MXD4: variants seen among roughly 807,000 people sequenced by gnomAD.
MXD4 encodes the protein Mad4 homolog.
In MXD4, 16 loss-of-function variants were observed where a neutral mutation model predicts 24.5. The observed-to-expected ratio is 0.65, with a 90% CI of 0.44 to 0.99. MXD4 has a LOEUF of 0.99. MXD4 is among the 50% of genes least tolerant of loss of function. The pLI, the probability that MXD4 is intolerant of heterozygous loss-of-function variation, is 0.00. For missense variants in MXD4, 301 were observed against 301.5 expected, an observed-to-expected ratio of 1.00 and a Z score of 0.01; for synonymous variants, 164 against 134.2, an observed-to-expected ratio of 1.22 and a Z score of -1.54.
Position 2,257,922 on chromosome 4 carries a change from C to T in MXD4, c.194+60G>A, listed in dbSNP as rs866238576. ...AGGGGCAGGCTCAACGCACCACACA[C>T]CCTCAGTAAAAGGGTGGGCCAGGTG... On this transcript the variant is annotated intron_variant, in intron 3 of 5. Transcript: ENST00000337190. 87 of 1,607,056 alleles carry T rather than the reference C, an allele frequency of 5.4e-5. No individual in the cohort carries two copies. In the Middle Eastern group the frequency reaches 6.6e-4, roughly 12 times the overall value.
rs1041607958 is a variant in MXD4, at chr4:2,261,391, T to C, written c.164+334A>G. 1.6e-3 allele frequency among the ~76,000 whole-genome samples: 237 copies of C among 152,252 alleles called. 1 individual carries two copies. Among genetic ancestry groups the C allele is most frequent in the African/African-American group, 5.5e-3 (228 of 41,546 alleles). On this transcript the variant is annotated intron_variant, in intron 2 of 5. Coordinates refer to ENST00000337190, the MANE Select transcript of MXD4 (RefSeq NM_006454.3). ...CCACGGGGCACCGGCCAGCGCCCGC[T>C]GACAACTTTTCTACCGCCTGGAAAA...
chr4:2,252,272 C>G, intron 4 of MXD4, 136 bp downstream of exon 4: 2 of 700,964 alleles, frequency 2.9e-6, no homozygotes, highest in South Asian at 3.4e-5. Context: ...GACACACACC[C>G]GCCAGATGGC....
chr4:2,251,001 C>A (rs1560112448), intron 5 of MXD4, 83 bp downstream of exon 5: 1 of 1,431,594 alleles, frequency 7.0e-7, no homozygotes, highest in African/African-American at 1.4e-5. Context: ...GCCCCAGCAC[C>A]AGGCACCTCC....
rs983771254 is a variant in MXD4, at chr4:2,255,441, C to T, written c.194+2541G>A. ...GGTCCACCTGGCCCAAGAGTGTGGG[C>T]GCCAGGGCTGGAGGCCACAGAAATT... On this transcript the variant is annotated intron_variant, in intron 3 of 5. Transcript: ENST00000337190. The T allele has an allele frequency of 2.0e-5, 9 of 454,880 alleles. No individual in the cohort carries two copies. The Middle Eastern group carries it at 1.0e-3, about 52-fold the overall frequency. The allele number at this position is 454,880 out of a possible 1,614,324, so 28.2% of individuals were successfully genotyped here. A position where few individuals can be genotyped will look rare whatever the true frequency, so the allele number is the denominator to read the frequency against.
chr4:2,261,463 G>C (rs1392958394), intron 2 of MXD4, among the ~76,000 whole-genome samples: 2 of 150,970 alleles, frequency 1.3e-5, no homozygotes, highest in Non-Finnish European at 3.0e-5. Context: ...AGCGGACCCC[G>C]GCGGCGGGCG....
chr4:2,260,538 C>T (rs1370236678), intron 2 of MXD4: 11 of 455,620 alleles, frequency 2.4e-5, no homozygotes, highest in Non-Finnish European at 4.4e-5. Context: ...TGGAGAGAAG[C>T]GGCAGCGGGG....
At position 2,257,974 on chromosome 4, in the gene MXD4, T is replaced by C. The variant is rs1334662140; in HGVS notation, c.194+8A>G. 6.2e-7 allele frequency: 1 copy of C among 1,613,038 alleles called. No individual in the cohort carries two copies. Among genetic ancestry groups the C allele is most frequent in the East Asian group, 2.2e-5 (1 of 44,874 alleles). ...CGGGCTCATGTGGGGAACTGGGGGGTCACTTACCTGTGCTTTTCTAGCTCG... is the reference window on the plus strand; with the variant it reads ...CGGGCTCATGTGGGGAACTGGGGGGCCACTTACCTGTGCTTTTCTAGCTCG... On this transcript the variant is annotated splice_region_variant and intron_variant, in intron 3 of 5. Transcript: ENST00000337190.
chr4:2,258,082 C>T, intron 2 of MXD4, 71 bp from the exon 3 acceptor site: 1 of 1,587,900 alleles, frequency 6.3e-7, no homozygotes. Flanking sequence ...GCAGTGCTCT[C>T]CTAGGGGGCC....
At chr4:2,257,843 A>C (rs1577822774) in intron 3 of MXD4, 139 bp downstream of exon 3, 1 of 1,138,390 alleles carries the variant, frequency 8.8e-7, no homozygotes, top group Non-Finnish European at 1.3e-6. Context: ...TCCAAGTCTG[A>C]CCATTCCCAA....
Position 2,255,158 on chromosome 4 carries a change from C to T in MXD4, c.195-2636G>A, listed in dbSNP as rs372449813. ...GACGCAGGCGGACAGGACTTACGTA[C>T]GTGGTGTCGGGTGAAAGATCAAGTG... On this transcript the variant is annotated intron_variant, in intron 3 of 5. Transcript: ENST00000337190. 1.7e-4 allele frequency: 67 copies of T among 387,786 alleles called. 1 individual carries two copies. The highest frequency in any genetic ancestry group is 1.2e-3 in the African/African-American group (59 of 48,030). The allele number at this position is 387,786 out of a possible 1,614,324, so 24.0% of individuals were successfully genotyped here. A position where few individuals can be genotyped will look rare whatever the true frequency, so the allele number is the denominator to read the frequency against.
At position 2,261,925 on chromosome 4, in the gene MXD4, C is replaced by T. The variant is rs753407649; in HGVS notation, c.56G>A (p.Arg19Lys). 6.1e-5 allele frequency: 89 copies of T among 1,464,454 alleles called. No homozygotes were observed. Among genetic ancestry groups the T allele is most frequent in the East Asian group, 3.0e-5 (1 of 33,864 alleles). 90.7% of individuals were successfully genotyped at this position (1,464,454 alleles called of 1,614,324 possible). A position where few individuals can be genotyped will look rare whatever the true frequency, so the allele number is the denominator to read the frequency against. Residue 19 changes from arginine to lysine, a missense_variant, in exon 1 of 6, where the codon AGG becomes AAG. Coordinates refer to ENST00000337190, the MANE Select transcript of MXD4 (RefSeq NM_006454.3). ...LLEAAEYLER[R>K]DREAEHGYAS... ...TGGGGTGCGAGCGCTACCTCGATCC[C>T]TGCGCTCCAGGTACTCGGCCGCCTC...
intron 2 of MXD4, among the ~76,000 whole-genome samples, chr4:2,258,540 G>C (rs1233087317): frequency 6.6e-6 from 1 of 152,182 alleles, no homozygotes; most frequent in East Asian, 1.9e-4. Context: ...TGTGTCCTTG[G>C]AGCCAAAGCA....
At chr4:2,259,382 G>T (rs932047994) in intron 2 of MXD4, among the ~76,000 whole-genome samples, 4 of 152,058 alleles carry the variant, frequency 2.6e-5, no homozygotes, top group African/African-American at 9.7e-5. Context: ...AGCCAGGGCC[G>T]ACCAGGGCCA....
At position 2,261,841 on chromosome 4, in the gene MXD4, C is replaced by T. The variant is rs1422739876; in HGVS notation, c.65-17G>A. ...GCTCGGCCTCTGCGGACACACGGCGCGGTCAGCGGCCCCCGCCCGGCACGG... is the reference window on the plus strand; with the variant it reads ...GCTCGGCCTCTGCGGACACACGGCGTGGTCAGCGGCCCCCGCCCGGCACGG... On this transcript the variant is annotated splice_polypyrimidine_tract_variant and intron_variant, in intron 1 of 5. Transcript: ENST00000337190. 3 of 1,354,140 alleles carry T rather than the reference C, an allele frequency of 2.2e-6. No homozygotes were observed. The highest frequency in any genetic ancestry group is 1.9e-6 in the Non-Finnish European group (2 of 1,052,714). 83.9% of individuals were successfully genotyped at this position (1,354,140 alleles called of 1,614,324 possible). A position where few individuals can be genotyped will look rare whatever the true frequency, so the allele number is the denominator to read the frequency against.
rs1735232021 is a variant in MXD4 at position 2,248,003 on chromosome 4, G to A, written c.*2541C>T. The A allele has an allele frequency of 2.0e-5, 3 of 152,498 alleles. No homozygotes were observed. The highest frequency in any genetic ancestry group is 2.1e-4 in the South Asian group (1 of 4,836). The allele number at this position is 152,498 out of a possible 1,614,324, so 9.4% of individuals were successfully genotyped here. On this transcript the variant is annotated 3_prime_UTR_variant, in exon 6 of 6. Transcript: ENST00000337190. ...CCGAGAGCACTGGTGTGGGCTGGGA[G>A]GGCACACGCAGAGGCTCAGGAGCCC... is the stretch of plus-strand genomic sequence containing the variant.
chr4:2,250,370 G>A lies in MXD4; in HGVS notation c.*174C>T, dbSNP rs1735292012. On this transcript the variant is annotated 3_prime_UTR_variant, in exon 6 of 6. Coordinates refer to ENST00000337190, the MANE Select transcript of MXD4 (RefSeq NM_006454.3). ...TCTGCCCAGCTGGAAGGGGCAGGCA[G>A]CTCGGCAGGCCCTGACCGGCAAGCG... The A allele has an allele frequency of 3.4e-6, 3 of 884,218 alleles. No homozygotes were observed. The highest frequency in any genetic ancestry group is 5.0e-6 in the Non-Finnish European group (3 of 600,508). 54.8% of individuals were successfully genotyped at this position (884,218 alleles called of 1,614,324 possible). A position where few individuals can be genotyped will look rare whatever the true frequency, so the allele number is the denominator to read the frequency against.
chr4:2,256,434 T>G (rs1735432847), intron 3 of MXD4, among the ~76,000 whole-genome samples: 1 of 152,172 alleles, frequency 6.6e-6, no homozygotes, highest in African/African-American at 2.4e-5. Context: ...CTCCCGGGGA[T>G]GGCTGGGTGG....
At position 2,262,033 on chromosome 4, in the gene MXD4, G is replaced by T; in HGVS notation, c.-53C>A. Reference sequence around the variant, plus strand: ...GACGGCGGCGGCCGCTGCCCGGCCCGCTCCGGCCGGCTCCGCTCGCCGCCC... The same window carrying T: ...GACGGCGGCGGCCGCTGCCCGGCCCTCTCCGGCCGGCTCCGCTCGCCGCCC... On this transcript the variant is annotated 5_prime_UTR_variant, in exon 1 of 6. Transcript: ENST00000337190. 1.0e-6 allele frequency: 1 copy of T among 963,076 alleles called. No homozygotes were observed. The highest frequency in any genetic ancestry group is 1.2e-6 in the Non-Finnish European group (1 of 800,708). 59.7% of individuals were successfully genotyped at this position (963,076 alleles called of 1,614,324 possible).
intron 3 of MXD4, 109 bp from the exon 4 acceptor site, chr4:2,252,631 G>C: frequency 2.8e-6 from 2 of 719,786 alleles, no homozygotes; most frequent in Non-Finnish European, 2.3e-6. Context: ...CACATGTGCT[G>C]AGGGTCCCTC....
Sources: gnomAD v4.1 joint callset for allele counts (sites outside exome capture counted in the v4.1 genomes callset) on GRCh38, gnomAD v4.1.1 for gene constraint, MANE v1.5 for transcripts, NCBI Gene and HGNC (gene_info 2026-07-23, HGNC 2026-07-21) for gene names.